The following BCAS3 variants were observed in gnomAD, a reference collection of about 807,000 sequenced individuals.
BCAS3 encodes the protein BCAS4/BCAS3 fusion.
In BCAS3, 53 loss-of-function variants were observed where a neutral mutation model predicts 116.1. That is an observed-to-expected ratio of 0.46 (90% CI 0.37 to 0.57). BCAS3 has a LOEUF of 0.57. Ranked by LOEUF, BCAS3 falls within the 20% of genes least tolerant of loss-of-function variation. The probability of loss-of-function intolerance (pLI) is 0.00; values close to 1 mark genes in which losing one functional copy is unlikely to be tolerated. For synonymous variants in BCAS3, 391 were observed against 408.2 expected, an observed-to-expected ratio of 0.96 and a Z score of 0.51; for missense variants, 917 against 1,165.4, an observed-to-expected ratio of 0.79 and a Z score of 3.10.
rs145305109 is a variant in BCAS3, at chr17:60,998,007, A to G, written c.1486+7772A>G. 7.1e-3 allele frequency among the ~76,000 whole-genome samples: 1,072 copies of G among 151,820 alleles called. 8 individuals carry two copies. Among genetic ancestry groups the G allele is most frequent in the Middle Eastern group, 0.024 (7 of 294 alleles). ...CAACCTCCCCACCCTTTTCCTCCCC[A>G]CTTTTGAATCCCTAATGTCTATTGT... On this transcript the variant is annotated intron_variant, in intron 15 of 23. Transcript: ENST00000407086.
chr17:60,792,393 G>A (rs2046856029), intron 6 of BCAS3, among the ~76,000 whole-genome samples: 1 of 152,184 alleles, frequency 6.6e-6, no homozygotes, highest in African/African-American at 2.4e-5. Context: ...CCGCTCGCTT[G>A]CTTACACATG....
rs2056990907 is a variant in BCAS3 at position 61,339,626 on chromosome 17, C to T, written c.2426-28701C>T. ...ACTAAGAATACAAAAATTAGCCGGGCGTGGTGGTGCCCATCTGTAATCCCA... is the reference window on the plus strand; with the variant it reads ...ACTAAGAATACAAAAATTAGCCGGGTGTGGTGGTGCCCATCTGTAATCCCA... On this transcript the variant is annotated intron_variant, in intron 22 of 23. Transcript: ENST00000407086. This position sits in a 1 kb window ranked among gnomAD's most constrained non-coding sequence, Gnocchi z 4.4. Among the ~76,000 whole-genome samples the T allele has an allele frequency of 6.6e-6, 1 of 151,946 alleles. No homozygotes were observed. Among genetic ancestry groups the T allele is most frequent in the Non-Finnish European group, 1.5e-5 (1 of 67,968 alleles).
intron 13 of BCAS3, among the ~76,000 whole-genome samples, chr17:60,945,059 A>G (rs1331136679): frequency 6.6e-6 from 1 of 152,146 alleles, no homozygotes; most frequent in African/African-American, 2.4e-5. Flanking sequence ...CATCAAAGAA[A>G]ATTCTTGTAC....
In BCAS3 at chr17:61,223,151, C is replaced by CTTTT. The variant is rs34499099; in HGVS notation, c.2425+138608_2425+138611dup. On this transcript the variant is annotated intron_variant, in intron 22 of 23. Coordinates refer to ENST00000407086, the MANE Select transcript of BCAS3 (RefSeq NM_017679.5). ...TTCAATATGTGACAGGATGCAGCGC[C>CTTTT]TTTTTTTTTTTTTTTTTTTTTTTTG... 6.7e-3 allele frequency among the ~76,000 whole-genome samples: 530 copies of CTTTT among 79,028 alleles called. 19 individuals are homozygous for CTTTT. Among genetic ancestry groups the CTTTT allele is most frequent in the African/African-American group, 0.016 (308 of 19,008 alleles). The allele number at this position is 79,028 out of a possible 152,430, so 51.8% of individuals were successfully genotyped here.
chr17:60,983,156 T>G (rs2062916333), intron 14 of BCAS3, among the ~76,000 whole-genome samples: 1 of 152,180 alleles, frequency 6.6e-6, no homozygotes, highest in African/African-American at 2.4e-5. Flanking sequence ...AAATGTTATT[T>G]GTCATGATAT....
At chr17:61,168,222 A>T (rs1056169815) in intron 22 of BCAS3, among the ~76,000 whole-genome samples, 1 of 151,774 alleles carries the variant, frequency 6.6e-6, no homozygotes, top group Non-Finnish European at 1.5e-5. Flanking sequence ...ACCCTTCCAC[A>T]ATTTCCCCTC....
chr17:60,680,148 A>G (rs533922717), intron 2 of BCAS3, among the ~76,000 whole-genome samples: 64 of 151,376 alleles, frequency 4.2e-4, no homozygotes, highest in African/African-American at 1.5e-3. Flanking sequence ...AAAAAAAAAA[A>G]AAAGAAAGAA....
chr17:60,773,449 C>T (rs2044949429), intron 6 of BCAS3, among the ~76,000 whole-genome samples: 2 of 151,872 alleles, frequency 1.3e-5, no homozygotes, highest in Admixed American at 1.3e-4. Context: ...AGCACCGCCA[C>T]ATCTGGCTGA....
chr17:60,945,611 G>A (rs1182117349), intron 13 of BCAS3, among the ~76,000 whole-genome samples: 1 of 149,720 alleles, frequency 6.7e-6, no homozygotes, highest in Non-Finnish European at 1.5e-5. Flanking sequence ...GACCAGCCTG[G>A]CCAACATGTC....
At position 61,316,666 on chromosome 17, in the gene BCAS3, A is replaced by T. The variant is rs1036477135; in HGVS notation, c.2426-51661A>T. 8.5e-5 allele frequency among the ~76,000 whole-genome samples: 13 copies of T among 152,206 alleles called. 1 individual carries two copies. The highest frequency in any genetic ancestry group is 3.1e-4 in the African/African-American group (13 of 41,468). ...GGGAGGGAGAGAGGGAAGGAGAAGG[A>T]GGATAAAATAAAAGGAAAAGAAGAG... On this transcript the variant is annotated intron_variant, in intron 22 of 23. Transcript: ENST00000407086. This position sits in a 1 kb window ranked among gnomAD's most constrained non-coding sequence, Gnocchi z 5.8.
intron 13 of BCAS3, among the ~76,000 whole-genome samples, chr17:60,939,173 A>G (rs956260213): frequency 4.6e-5 from 7 of 152,262 alleles, no homozygotes; most frequent in African/African-American, 9.6e-5. Flanking sequence ...GCTCACACCT[A>G]TAATTCCAGC....
At chr17:60,865,906 G>T (rs539291790) in intron 7 of BCAS3, among the ~76,000 whole-genome samples, 1 of 152,084 alleles carries the variant, frequency 6.6e-6, no homozygotes, top group African/African-American at 2.4e-5. Flanking sequence ...TAAGGTAGAA[G>T]AAATTCTAAT....
chr17:60,853,387 C>T (rs1287251001), intron 7 of BCAS3, among the ~76,000 whole-genome samples: 1 of 152,152 alleles, frequency 6.6e-6, no homozygotes, highest in Non-Finnish European at 1.5e-5. Flanking sequence ...GTGAACTGTA[C>T]ATGGAAGCTT....
chr17:60,863,602 A>T (rs1204206349), intron 7 of BCAS3, among the ~76,000 whole-genome samples: 1 of 152,038 alleles, frequency 6.6e-6, no homozygotes, highest in East Asian at 1.9e-4. Context: ...TAAAATAAAA[A>T]AATTAGCTGA....
intron 23 of BCAS3, among the ~76,000 whole-genome samples, chr17:61,370,293 G>A (rs1416651746): frequency 6.6e-6 from 1 of 151,250 alleles, no homozygotes; most frequent in Non-Finnish European, 1.5e-5. Context: ...TTAGCAGAGG[G>A]ATTTCATTGT....
intron 6 of BCAS3, among the ~76,000 whole-genome samples, chr17:60,749,911 T>G (rs2042307520): frequency 6.6e-6 from 1 of 152,216 alleles, no homozygotes; most frequent in South Asian, 2.1e-4. Flanking sequence ...TTCATGCCTG[T>G]AATCCCAGCA....
At chr17:60,699,572 A>G (rs758340111) in intron 4 of BCAS3, among the ~76,000 whole-genome samples, 1 of 152,166 alleles carries the variant, frequency 6.6e-6, no homozygotes, top group Non-Finnish European at 1.5e-5. Context: ...CTAGGTACAT[A>G]AGTTTATAAT....
At chr17:61,389,397 G>A (rs1415308867) in intron 23 of BCAS3, 2 of 152,766 alleles carry the variant, frequency 1.3e-5, no homozygotes, top group African/African-American at 4.8e-5. Context: ...CCATTTCACA[G>A]TGCTGGGGAG....
At chr17:60,744,695 C>G (rs1293748988) in intron 5 of BCAS3, among the ~76,000 whole-genome samples, 3 of 151,418 alleles carry the variant, frequency 2.0e-5, no homozygotes, top group Non-Finnish European at 4.4e-5. Context: ...TTCCTCTGCT[C>G]CCCCCAACCC....
Sources: gnomAD v4.1 joint callset for allele counts (sites outside exome capture counted in the v4.1 genomes callset) on GRCh38, gnomAD v4.1.1 for gene constraint, Gnocchi (gnomAD v3.1) non-coding constraint, MANE v1.5 for transcripts, NCBI Gene and HGNC (gene_info 2026-07-23, HGNC 2026-07-21) for gene names.